Variants in CHAF1A observed in about 807,000 individuals in gnomAD.
The protein encoded by CHAF1A is chromatin assembly factor 1 subunit A.
Under a neutral mutation model 93.2 loss-of-function variants are expected in CHAF1A, and 5 were observed. The observed-to-expected ratio is 0.05, with a 90% confidence interval of 0.03 to 0.11. The LOEUF (loss-of-function observed/expected upper bound fraction) is 0.11, where lower values mean the gene tolerates loss of function less well. Ranked by LOEUF, CHAF1A falls within the 10% of genes least tolerant of loss-of-function variation. The pLI is 1.00. For synonymous variants in CHAF1A, 504 were observed against 510.3 expected (o/e 0.99, Z 0.17); for missense variants, 1,102 against 1,259.9 (o/e 0.87, Z 1.90).
At chr19:4,411,644 C>CTTTTTTTTTTTTTTTATTT (rs1973802813) in intron 3 of CHAF1A, among the ~76,000 whole-genome samples, 1 of 48,204 alleles carries the variant, frequency 2.1e-5, no homozygotes, top group African/African-American at 7.9e-5. Flanking sequence ...TGGTGCAAAT[C>CTTTTTTTTTTTTTTTATTT]TTTTTTTTTT....
At chr19:4,427,072 T>G (rs1021340606) in intron 7 of CHAF1A, among the ~76,000 whole-genome samples, 1 of 133,820 alleles carries the variant, frequency 7.5e-6, no homozygotes, top group Non-Finnish European at 1.6e-5. Flanking sequence ...GGCTGCGCAA[T>G]GAAGCGAGAC....
chr19:4,426,204 G>C (rs1312581256), intron 7 of CHAF1A, among the ~76,000 whole-genome samples: 2 of 107,646 alleles, frequency 1.9e-5, no homozygotes, highest in Admixed American at 2.4e-4. Context: ...GTTTCACTCT[G>C]TTGCTGAGGC....
chr19:4,424,608 G>A (rs753581028), intron 7 of CHAF1A, among the ~76,000 whole-genome samples: 2 of 151,966 alleles, frequency 1.3e-5, no homozygotes, highest in Non-Finnish European at 2.9e-5. Context: ...GGGACTACAG[G>A]CATGTGCCAC....
downstream of CHAF1A, chr19:4,447,709 G>C: frequency 7.2e-7 from 1 of 1,394,602 alleles, no homozygotes; most frequent in Non-Finnish European, 1.0e-6. Context: ...GGTAACAGCA[G>C]CTCAGCCACA....
chr19:4,448,755 GCCA>G (rs1402072587), downstream of CHAF1A: 1 of 290,064 alleles, frequency 3.4e-6, no homozygotes, highest in Admixed American at 4.7e-5. Context: ...ATCCATCAAG[GCCA>G]CCGCCACTTA....
intron 13 of CHAF1A, among the ~76,000 whole-genome samples, chr19:4,437,906 AT>A (rs557261395): frequency 2.0e-5 from 3 of 151,606 alleles, no homozygotes; most frequent in African/African-American, 7.3e-5. Context: ...CGCCCAGCTA[AT>A]TTTTTGTATT....
chr19:4,444,573 G>A (rs1037018695), downstream of CHAF1A: 3 of 152,582 alleles, frequency 2.0e-5, no homozygotes, highest in African/African-American at 7.2e-5. Flanking sequence ...GTCTCTCTCT[G>A]ATTCACCCTC....
rs1048689776 is a variant in CHAF1A at position 4,442,308 on chromosome 19, G to A, written c.2737G>A (p.Asp913Asn). ...DTEEEEEEEG[D>N]CMIVDVPDAA... ...GGAGGAGGAGGAAGAGGAGGAGGGC[G>A]ACTGTATGATCGTGGATGTCCCGGA... is the stretch of plus-strand genomic sequence containing the variant. The change falls in exon 14 of 15, where the codon GAC becomes AAC. Residue 913 changes from aspartate to asparagine, a missense_variant. Physicochemically the swap from Asp to Asn is conservative, Grantham distance 23. Around this residue, in one of 6 missense-constraint regions of CHAF1A, gnomAD observed 119 missense variants for 102.2 expected, o/e 1.16. Coordinates refer to ENST00000301280, the MANE Select transcript of CHAF1A (RefSeq NM_005483.3). 5.0e-6 allele frequency: 8 copies of A among 1,610,404 alleles called. No homozygotes were observed. Among genetic ancestry groups the A allele is most frequent in the East Asian group, 2.2e-5 (1 of 44,824 alleles).
At chr19:4,425,919 A>G (rs1408660486) in intron 7 of CHAF1A, among the ~76,000 whole-genome samples, 5 of 152,150 alleles carry the variant, frequency 3.3e-5, no homozygotes, top group Admixed American at 1.3e-4. Flanking sequence ...TGCCAGTCTG[A>G]TGGATTTTTA....
chr19:4,405,081 C>A (rs887263128), intron 1 of CHAF1A, among the ~76,000 whole-genome samples: 1 of 152,112 alleles, frequency 6.6e-6, no homozygotes. Flanking sequence ...GATGTTTTCT[C>A]TCCTCCCTAC....
chr19:4,429,239 C>T (rs1974137830), intron 8 of CHAF1A, 199 bp from the exon 9 acceptor site: 3 of 647,752 alleles, frequency 4.6e-6, no homozygotes, highest in Admixed American at 5.9e-5. Context: ...TCCTCCCTCT[C>T]ACCCTGCAGG....
At chr19:4,412,376 C>A (rs990520306) in intron 3 of CHAF1A, among the ~76,000 whole-genome samples, 3 of 152,192 alleles carry the variant, frequency 2.0e-5, no homozygotes, top group African/African-American at 4.8e-5. Flanking sequence ...AACCCCGTCT[C>A]TACTAAAAAT....
In CHAF1A at chr19:4,402,723, C is replaced by G. The variant is rs532080132; in HGVS notation, c.-40C>G. 2.1e-4 allele frequency: 244 copies of G among 1,185,040 alleles called. No homozygotes were observed. The African/African-American group carries it at 3.5e-3, about 17-fold the overall frequency. 73.4% of individuals were successfully genotyped at this position (1,185,040 alleles called of 1,614,324 possible). A position where few individuals can be genotyped will look rare whatever the true frequency, so the allele number is the denominator to read the frequency against. ...AGCGGCCGCCTGAGGGGAGCCCGCG[C>G]CTCCGCCGCCTGAGAGGAGGTCGAG... On this transcript the variant is annotated 5_prime_UTR_variant, in exon 1 of 15. Transcript: ENST00000301280.
intron 7 of CHAF1A, among the ~76,000 whole-genome samples, chr19:4,427,862 A>G (rs1406052886): frequency 6.6e-6 from 1 of 152,126 alleles, no homozygotes; most frequent in African/African-American, 2.4e-5. Context: ...CGCTACAATT[A>G]CAGGCGTGAG....
Position 4,433,105 on chromosome 19 carries a change from G to T in CHAF1A, c.2239G>T (p.Val747Leu), listed in dbSNP as rs761272603. The change falls in exon 13 of 15, where the codon GTG becomes TTG. Residue 747 changes from valine (V) to leucine (L), a missense_variant. Val to Leu is a conservative substitution (Grantham distance 32). Coordinates refer to ENST00000301280, the MANE Select transcript of CHAF1A (RefSeq NM_005483.3). The surrounding 1 kb of genome is among the most constrained non-coding windows in gnomAD (Gnocchi z 5.6). ...AQLLPLLHGN[V>L]NGSKVIIREF... ...GCTGCTGCCGCTCCTGCACGGCAAT[G>T]TGAACGGGAGCAAGGTCATCATCCG... The T allele has an allele frequency of 1.2e-6, 2 of 1,601,350 alleles. No homozygotes were observed. The highest frequency in any genetic ancestry group is 1.7e-6 in the Non-Finnish European group (2 of 1,170,324).
chr19:4,414,253 T>A (rs950788634), intron 3 of CHAF1A, among the ~76,000 whole-genome samples: 6 of 151,904 alleles, frequency 3.9e-5, no homozygotes, highest in African/African-American at 1.5e-4. Flanking sequence ...ATACAAAAAA[T>A]AGCGGGGCAT....
chr19:4,408,847 A>G (rs1276385595), intron 2 of CHAF1A, 56 bp from the exon 3 acceptor site: 44 of 1,540,242 alleles, frequency 2.9e-5, no homozygotes, highest in African/African-American at 4.2e-5. Flanking sequence ...TTTCAAGCTC[A>G]TGAGTGGTTG....
downstream of CHAF1A, chr19:4,446,877 G>A (rs774101724): frequency 6.2e-7 from 1 of 1,614,012 alleles, no homozygotes; most frequent in Non-Finnish European, 8.5e-7. Context: ...GAACCCAATG[G>A]CCTCAAAAAA....
At chr19:4,447,042 C>G (rs984624938), downstream of CHAF1A, 1 of 985,408 alleles carries the variant, frequency 1.0e-6, no homozygotes. Context: ...TGGATGGGGC[C>G]CAGCCCTGGG....
Sources: allele counts gnomAD v4.1 joint callset (sites outside exome capture counted in the v4.1 genomes callset), GRCh38; gene constraint gnomAD v4.1.1; regional missense constraint gnomAD v4.1.1; non-coding constraint Gnocchi (gnomAD v3.1); transcripts MANE v1.5; gene names NCBI Gene and HGNC (gene_info 2026-07-23, HGNC 2026-07-21).